The following AP3B1 variants were observed in gnomAD, a reference collection of about 807,000 sequenced individuals.
The protein encoded by AP3B1 is adaptor related protein complex 3 subunit beta 1.
AP3B1 carries 61 observed loss-of-function variants against 132.5 expected under a neutral mutation model. The ratio of observed to expected loss-of-function variants is 0.46; its 90% CI spans 0.37 to 0.57. The LOEUF is 0.57. Ranked by LOEUF, AP3B1 falls within the 20% of genes least tolerant of loss-of-function variation. The pLI is 0.00. For missense variants in AP3B1, 1,120 were observed against 1,289.4 expected (o/e 0.87, Z 2.01); for synonymous variants, 388 against 438.3 (o/e 0.89, Z 1.43).
chr5:78,045,211 T>A (rs999841258), intron 22 of AP3B1, among the ~76,000 whole-genome samples: 6 of 151,932 alleles, frequency 3.9e-5, no homozygotes, highest in African/African-American at 1.5e-4. Flanking sequence ...TGAAACCCCA[T>A]CTCTACTAAA....
intron 13 of AP3B1, among the ~76,000 whole-genome samples, chr5:78,158,051 C>G (rs539346988): frequency 6.6e-6 from 1 of 152,300 alleles, no homozygotes; most frequent in Non-Finnish European, 1.5e-5. Flanking sequence ...GCCCGGCCTA[C>G]TCTTTTTCAC....
chr5:78,234,196 A>G (rs879651052), intron 3 of AP3B1, among the ~76,000 whole-genome samples: 1 of 152,082 alleles, frequency 6.6e-6, no homozygotes, highest in Non-Finnish European at 1.5e-5. Context: ...TAGACTCTTT[A>G]CACTTTCTTG....
chr5:78,229,362 T>C (rs1325596672), intron 3 of AP3B1, among the ~76,000 whole-genome samples: 1 of 152,190 alleles, frequency 6.6e-6, no homozygotes, highest in Non-Finnish European at 1.5e-5. Flanking sequence ...GCACTATTTA[T>C]AGCCTGTATC....
chr5:78,081,629 T>G (rs1378140349), intron 22 of AP3B1, among the ~76,000 whole-genome samples: 2 of 152,156 alleles, frequency 1.3e-5, no homozygotes, highest in Non-Finnish European at 1.5e-5. Flanking sequence ...TGTGAATTAC[T>G]GTAACACTAT....
chr5:78,110,723 T>C (rs1214517005), intron 19 of AP3B1, among the ~76,000 whole-genome samples: 4 of 151,368 alleles, frequency 2.6e-5, no homozygotes, highest in African/African-American at 9.7e-5. Flanking sequence ...TGTATGTATG[T>C]ATACATACAT....
intron 17 of AP3B1, among the ~76,000 whole-genome samples, chr5:78,120,221 C>A (rs1447902249): frequency 1.3e-5 from 2 of 152,180 alleles, no homozygotes; most frequent in African/African-American, 4.8e-5. Context: ...CAACCAGTAC[C>A]AGCCACTGCA....
At chr5:78,218,626 T>C (rs1165386750) in intron 6 of AP3B1, among the ~76,000 whole-genome samples, 1 of 152,052 alleles carries the variant, frequency 6.6e-6, no homozygotes, top group Non-Finnish European at 1.5e-5. Context: ...ATGAAAAAAA[T>C]CACACTAAGC....
chr5:78,216,303 G>A (rs1169760487), intron 6 of AP3B1, 66 bp from the exon 7 acceptor site: 2 of 1,425,536 alleles, frequency 1.4e-6, no homozygotes, highest in African/African-American at 2.8e-5. Flanking sequence ...GTCTTACTCA[G>A]GCATTATAGT....
chr5:78,153,757 C>T (rs1341146255), intron 14 of AP3B1, among the ~76,000 whole-genome samples: 1 of 152,106 alleles, frequency 6.6e-6, no homozygotes, highest in African/African-American at 2.4e-5. Context: ...ATGAAGCTTG[C>T]AAATACTATC....
At chr5:78,111,676 G>T (rs1021498729) in intron 19 of AP3B1, among the ~76,000 whole-genome samples, 1 of 152,114 alleles carries the variant, frequency 6.6e-6, no homozygotes, top group Non-Finnish European at 1.5e-5. Flanking sequence ...TCTCTCAGGG[G>T]ATGACAAATG....
chr5:78,172,606 T>C lies in AP3B1; in HGVS notation c.1167+3020A>G, dbSNP rs913004186. Among the ~76,000 whole-genome samples the C allele has an allele frequency of 2.0e-5, 3 of 152,336 alleles. No individual in the cohort carries two copies. The East Asian group carries it at 5.8e-4, about 29-fold the overall frequency. On this transcript the variant is annotated intron_variant, in intron 11 of 26. Coordinates refer to ENST00000255194, the MANE Select transcript of AP3B1 (RefSeq NM_003664.5). ...ATCTCCTTTATCATTTTTTAATGCA[T>C]CTATTTGATTCTTCTCTCTTTTCTC...
In AP3B1 at chr5:78,085,818, T is replaced by C. The variant is rs567566583; in HGVS notation, c.2577+3575A>G. 7.2e-5 allele frequency among the ~76,000 whole-genome samples: 11 copies of C among 152,178 alleles called. No homozygotes were observed. In the South Asian group the frequency reaches 2.3e-3, roughly 32 times the overall value. On this transcript the variant is annotated intron_variant, in intron 22 of 26. Coordinates refer to ENST00000255194, the MANE Select transcript of AP3B1 (RefSeq NM_003664.5). ...CACAGAGAAACAGACAAATTATCCC[T>C]TAGAATGGGACTATAATCTTACTTT...
At chr5:78,094,626 C>A (rs544545229) in intron 21 of AP3B1, among the ~76,000 whole-genome samples, 1 of 152,186 alleles carries the variant, frequency 6.6e-6, no homozygotes, top group East Asian at 1.9e-4. Flanking sequence ...TAACTTTATT[C>A]TGCCTAGTAT....
chr5:78,193,690 A>T (rs990525368), intron 7 of AP3B1, among the ~76,000 whole-genome samples: 4 of 145,450 alleles, frequency 2.8e-5, no homozygotes, highest in African/African-American at 5.0e-5. Context: ...ATTTACATAT[A>T]TATTTTTAAA....
At chr5:78,116,457 T>C (rs1158597655) in intron 17 of AP3B1, among the ~76,000 whole-genome samples, 2 of 152,212 alleles carry the variant, frequency 1.3e-5, no homozygotes, top group East Asian at 1.9e-4. Context: ...AACAATCTTA[T>C]TTTAAATATA....
At chr5:78,168,034 A>T (rs1381094022) in intron 11 of AP3B1, among the ~76,000 whole-genome samples, 1 of 151,646 alleles carries the variant, frequency 6.6e-6, no homozygotes, top group African/African-American at 2.4e-5. Context: ...AAAAACAAAA[A>T]AAATAAAACA....
intron 15 of AP3B1, among the ~76,000 whole-genome samples, chr5:78,133,218 A>T (rs184540529): frequency 2.0e-5 from 3 of 152,336 alleles, no homozygotes; most frequent in Non-Finnish European, 4.4e-5. Flanking sequence ...AGCAAAAGAC[A>T]GCTTTTCCCA....
intron 2 of AP3B1, among the ~76,000 whole-genome samples, chr5:78,248,004 C>T (rs1415587682): frequency 5.9e-5 from 9 of 152,038 alleles, no homozygotes; most frequent in Admixed American, 5.2e-4. Flanking sequence ...ACTGGTTCCT[C>T]GTAAAAATGC....
chr5:78,055,014 CAG>C (rs1239640527), intron 22 of AP3B1, among the ~76,000 whole-genome samples: 2 of 62,524 alleles, frequency 3.2e-5, no homozygotes, highest in South Asian at 6.3e-4. Flanking sequence ...GACAGACCTA[CAG>C]ACACACACAC....
Sources: gnomAD v4.1 joint callset for allele counts (sites outside exome capture counted in the v4.1 genomes callset) on GRCh38, gnomAD v4.1.1 for gene constraint, MANE v1.5 for transcripts, NCBI Gene and HGNC (gene_info 2026-07-23, HGNC 2026-07-21) for gene names.